The following SRPK1 variants were observed in gnomAD, a reference collection of about 807,000 sequenced individuals.
The protein encoded by SRPK1 is SFRS protein kinase 1.
In SRPK1, 52 loss-of-function variants were observed where a neutral mutation model predicts 89.5. The ratio of observed to expected loss-of-function variants is 0.58; its 90% CI spans 0.46 to 0.73. The LOEUF (loss-of-function observed/expected upper bound fraction) is 0.73, where lower values mean the gene tolerates loss of function less well. Ranked by LOEUF, SRPK1 falls within the 30% of genes least tolerant of loss-of-function variation. The pLI is 0.00. For missense variants in SRPK1, 603 were observed against 780.6 expected, an observed-to-expected ratio of 0.77 and a Z score of 2.71; for synonymous variants, 255 against 270.2, an observed-to-expected ratio of 0.94 and a Z score of 0.55.
intron 12 of SRPK1, among the ~76,000 whole-genome samples, chr6:35,859,503 C>T (rs549296818): frequency 6.6e-6 from 1 of 152,208 alleles, no homozygotes; most frequent in South Asian, 2.1e-4. Flanking sequence ...CACAGTTGGC[C>T]CAGAACTCAA....
intron 14 of SRPK1, among the ~76,000 whole-genome samples, chr6:35,842,094 A>G (rs1581988988): frequency 6.6e-6 from 1 of 152,204 alleles, no homozygotes; most frequent in East Asian, 1.9e-4. Flanking sequence ...GGGAAAAAAG[A>G]ATGCTAAATT....
chr6:35,898,736 A>G (rs973506488), intron 2 of SRPK1, among the ~76,000 whole-genome samples: 1 of 151,904 alleles, frequency 6.6e-6, no homozygotes, highest in African/African-American at 2.4e-5. Context: ...CATCTCAAAA[A>G]AGTTAATTTA....
chr6:35,837,745 A>T (rs1023964600), intron 15 of SRPK1, among the ~76,000 whole-genome samples: 1 of 151,736 alleles, frequency 6.6e-6, no homozygotes, highest in African/African-American at 2.4e-5. Flanking sequence ...TTTTGTAGAG[A>T]CAGGGTTTTC....
chr6:35,867,109 C>A (rs959934188), intron 12 of SRPK1, among the ~76,000 whole-genome samples: 1 of 151,870 alleles, frequency 6.6e-6, no homozygotes, highest in South Asian at 2.1e-4. Context: ...CACCACAATG[C>A]AATATATCAA....
chr6:35,882,910 A>C (rs1770326146), intron 6 of SRPK1, among the ~76,000 whole-genome samples: 1 of 151,518 alleles, frequency 6.6e-6, no homozygotes, highest in South Asian at 2.1e-4. Flanking sequence ...CCAGGTTCAA[A>C]CCATTCTCCT....
rs947545569 is a variant in SRPK1 at position 35,921,092 on chromosome 6, G to A, written c.-36C>T. ...GTAATCGCCAGGCGCCTGCGCACTC[G>A]AGTGGCGGCGACTCCCGCTCCCGCC... On this transcript the variant is annotated 5_prime_UTR_variant, in exon 1 of 16. Coordinates refer to ENST00000373825, the MANE Select transcript of SRPK1 (RefSeq NM_003137.5). 9.5e-6 allele frequency: 14 copies of A among 1,474,488 alleles called. No homozygotes were observed. The African/African-American group carries it at 1.3e-4, about 14-fold the overall frequency. 91.3% of individuals were successfully genotyped at this position (1,474,488 alleles called of 1,614,324 possible). A position where few individuals can be genotyped will look rare whatever the true frequency, so the allele number is the denominator to read the frequency against.
chr6:35,877,846 A>C (rs530041156), intron 6 of SRPK1, among the ~76,000 whole-genome samples: 1 of 151,956 alleles, frequency 6.6e-6, no homozygotes, highest in African/African-American at 2.4e-5. Flanking sequence ...CCGTCTCAAA[A>C]AAAAAAAAAA....
chr6:35,893,207 G>A (rs552445359), intron 2 of SRPK1, among the ~76,000 whole-genome samples: 7 of 152,270 alleles, frequency 4.6e-5, no homozygotes, highest in South Asian at 2.1e-4. Flanking sequence ...AAATGGGGCC[G>A]GTTGCGGTGG....
chr6:35,902,909 C>T (rs577705986), intron 2 of SRPK1, among the ~76,000 whole-genome samples: 16 of 152,154 alleles, frequency 1.1e-4, no homozygotes, highest in African/African-American at 3.4e-4. Context: ...GTAGAAAAAA[C>T]CTGGCATCTC....
At chr6:35,873,380 A>G (rs1321175373) in intron 7 of SRPK1, among the ~76,000 whole-genome samples, 1 of 152,194 alleles carries the variant, frequency 6.6e-6, no homozygotes, top group Non-Finnish European at 1.5e-5. Context: ...TTCCCTTTCT[A>G]ATTATTATAG....
In SRPK1 at chr6:35,884,849, A is replaced by T. The variant is rs1463910139; in HGVS notation, c.478+1875T>A. On this transcript the variant is annotated intron_variant, in intron 6 of 15. Coordinates refer to ENST00000373825, the MANE Select transcript of SRPK1 (RefSeq NM_003137.5). ...AACCCCATCTCTACTAAAAATACAA[A>T]ATTAGCTGGGTGTGGTGGCATCCAC... Among the ~76,000 whole-genome samples the T allele has an allele frequency of 3.3e-5, 5 of 152,084 alleles. No individual in the cohort carries two copies. In the East Asian group the frequency reaches 7.7e-4, roughly 24 times the overall value.
rs774653497 is a variant in SRPK1, at chr6:35,870,379, G to T, written c.893C>A (p.Pro298His). 8 of 1,603,618 alleles carry T rather than the reference G, an allele frequency of 5.0e-6. No homozygotes were observed. In the South Asian group the frequency reaches 6.7e-5, roughly 13 times the overall value. Residue 298 changes from proline (P) to histidine (H), a missense_variant, in exon 10 of 16, where the codon CCT becomes CAT. By Grantham distance (77) the Pro-to-His change is moderately conservative. Coordinates refer to ENST00000373825, the MANE Select transcript of SRPK1 (RefSeq NM_003137.5). ...TTGCTTGTTTGGTCTTTTTTGCCCA[G>T]GGCCCGACTCTTTCTCCATTTCCTC... ...EIEEMEKESG[P>H]GQKRPNKQEE...
intron 2 of SRPK1, among the ~76,000 whole-genome samples, chr6:35,901,367 T>C (rs891309659): frequency 5.3e-5 from 8 of 152,044 alleles, no homozygotes; most frequent in Admixed American, 3.3e-4. Context: ...CACACACATA[T>C]AGAGGGAAGA....
intron 12 of SRPK1, among the ~76,000 whole-genome samples, chr6:35,860,255 G>A (rs1198907750): frequency 3.3e-5 from 5 of 152,170 alleles, no homozygotes; most frequent in African/African-American, 1.2e-4. Flanking sequence ...AGTACTAAGA[G>A]GTGAGACCTT....
At chr6:35,870,544 C>A in intron 9 of SRPK1, 50 bp from the exon 10 acceptor site, 2 of 1,479,070 alleles carry the variant, frequency 1.4e-6, no homozygotes, top group Non-Finnish European at 1.8e-6. Context: ...TAATTAATTA[C>A]CCCCAGTTGG....
intron 2 of SRPK1, among the ~76,000 whole-genome samples, chr6:35,918,296 TTC>T (rs1363720944): frequency 1.1e-4 from 17 of 151,654 alleles, no homozygotes; most frequent in Non-Finnish European, 2.4e-4. Flanking sequence ...AGCTCAGGAG[TTC>T]GAGACCAGCC....
chr6:35,866,421 T>C (rs1313610255), intron 12 of SRPK1, among the ~76,000 whole-genome samples: 2 of 152,004 alleles, frequency 1.3e-5, no homozygotes, highest in Admixed American at 1.3e-4. Context: ...CCGTCTCTAC[T>C]AAAAATACAA....
chr6:35,904,926 G>C (rs749699713), intron 2 of SRPK1: 2 of 423,080 alleles, frequency 4.7e-6, no homozygotes, highest in South Asian at 3.3e-5. Context: ...AGGATCCCTT[G>C]AGGCCAGGAG....
At chr6:35,856,248 T>C (rs1769663761) in intron 13 of SRPK1, among the ~76,000 whole-genome samples, 1 of 151,736 alleles carries the variant, frequency 6.6e-6, no homozygotes, top group Non-Finnish European at 1.5e-5. Context: ...GTGACACACA[T>C]CAATGTGCCA....
Sources: gnomAD v4.1 joint callset for allele counts (sites outside exome capture counted in the v4.1 genomes callset) on GRCh38, gnomAD v4.1.1 for gene constraint, MANE v1.5 for transcripts, NCBI Gene and HGNC (gene_info 2026-07-23, HGNC 2026-07-21) for gene names.